Variants in IFT27 observed in about 807,000 individuals in gnomAD.
IFT27 encodes the protein intraflagellar transport 27.
In IFT27, 19 loss-of-function variants were observed where a neutral mutation model predicts 23.9. The ratio of observed to expected loss-of-function variants is 0.79; its 90% CI spans 0.55 to 1.16. The LOEUF (loss-of-function observed/expected upper bound fraction) is 1.16. Ranked by LOEUF, IFT27 falls within the 50% of genes most tolerant of loss-of-function variation. IFT27 has a pLI of 0.00. For missense variants in IFT27, 206 were observed against 228.7 expected (o/e 0.90, Z 0.64); for synonymous variants, 91 against 89.1 (o/e 1.02, Z -0.12).
intron 5 of IFT27, chr22:36,763,704 G>A (rs1314223366): frequency 1.5e-6 from 1 of 645,406 alleles, no homozygotes; most frequent in Non-Finnish European, 2.8e-6. Flanking sequence ...CCAGGTGCGT[G>A]TCCTCATTCC....
chr22:36,771,156 TC>T (rs1938378079), intron 1 of IFT27, among the ~76,000 whole-genome samples: 1 of 152,102 alleles, frequency 6.6e-6, no homozygotes, highest in Non-Finnish European at 1.5e-5. Flanking sequence ...ACACCTTGGC[TC>T]CCAGGGCCCC....
Position 36,771,086 on chromosome 22 carries a change from G to A in IFT27, c.35-3224C>T, listed in dbSNP as rs117690179. ...TGTGTGTTTCCCTACTCCCAGACCA[G>A]CTTATTGTTGCCCCCAGAGGAAACA... On this transcript the variant is annotated intron_variant, in intron 1 of 6. Transcript: ENST00000433985. Among the ~76,000 whole-genome samples the A allele has an allele frequency of 1.3e-3, 192 of 152,220 alleles. 1 individual carries two copies. In the East Asian group the frequency reaches 0.023, roughly 19 times the overall value.
Position 36,775,659 on chromosome 22 carries a change from A to G in IFT27, c.34+15T>C. 1.2e-6 allele frequency: 2 copies of G among 1,614,056 alleles called. No homozygotes were observed. Among genetic ancestry groups the G allele is most frequent in the Non-Finnish European group, 1.7e-6 (2 of 1,179,948 alleles). ...CCAGAGACCACCGTATTCAAGCGCA[A>G]GTTTTCAGACTCACCTGCCAGGATG... On this transcript the variant is annotated intron_variant, in intron 1 of 6. Transcript: ENST00000433985.
intron 1 of IFT27, among the ~76,000 whole-genome samples, chr22:36,774,295 G>C (rs1938449293): frequency 6.6e-6 from 1 of 152,224 alleles, no homozygotes; most frequent in Admixed American, 6.5e-5. Context: ...GTCTGGAAGA[G>C]GGGAATTTTT....
chr22:36,760,919 A>G (rs1338226842), intron 6 of IFT27: 1 of 167,118 alleles, frequency 6.0e-6, no homozygotes, highest in Non-Finnish European at 1.5e-5. Flanking sequence ...CAGGATGGTC[A>G]CTGCGGTGTT....
At chr22:36,775,577 A>G in intron 1 of IFT27, 97 bp downstream of exon 1, 1 of 1,328,218 alleles carries the variant, frequency 7.5e-7, no homozygotes, top group Admixed American at 1.7e-5. Context: ...AGAGAAAGGA[A>G]AAGGTAGGCA....
At chr22:36,764,621 C>G (rs1249118373) in intron 4 of IFT27, among the ~76,000 whole-genome samples, 2 of 152,238 alleles carry the variant, frequency 1.3e-5, no homozygotes, top group African/African-American at 4.8e-5. Flanking sequence ...CTTGCATCTT[C>G]TTAATAAGGG....
chr22:36,767,326 G>A lies in IFT27; in HGVS notation c.154C>T (p.Pro52Ser), dbSNP rs755044827. The change falls in exon 3 of 7, where the codon CCT becomes TCT. Residue 52 changes from proline to serine, a missense_variant. Pro to Ser is a moderately conservative substitution (Grantham distance 74, BLOSUM62 -1). Coordinates refer to ENST00000433985, the MANE Select transcript of IFT27 (RefSeq NM_001177701.3). ...CTCACCACACTGTCTCCCGTGTCAG[G>A]AACTGGCACTGTCTTCACCACCAAA... ...MDLVVKTVPV[P>S]DTGDSVELFI... The A allele has an allele frequency of 1.2e-6, 2 of 1,613,812 alleles. No homozygotes were observed. Among genetic ancestry groups the A allele is most frequent in the South Asian group, 2.2e-5 (2 of 91,058 alleles).
chr22:36,768,132 C>A, intron 1 of IFT27: 1 of 579,420 alleles, frequency 1.7e-6, no homozygotes, highest in Non-Finnish European at 3.4e-6. Flanking sequence ...TTACAGAGGG[C>A]TTTGGGGCCC....
intron 6 of IFT27, chr22:36,762,057 C>T (rs534171569): frequency 6.6e-6 from 1 of 152,126 alleles, no homozygotes; most frequent in Non-Finnish European, 1.5e-5. Context: ...ACTCGGGCCC[C>T]TGCTGGCTCT....
intron 1 of IFT27, among the ~76,000 whole-genome samples, chr22:36,770,319 G>A (rs1419053452): frequency 3.3e-5 from 5 of 152,066 alleles, no homozygotes; most frequent in South Asian, 2.1e-4. Flanking sequence ...TCCTGTCCCC[G>A]TGGCCTCAGT....
chr22:36,763,855 C>G (rs1938164669), intron 5 of IFT27, 64 bp downstream of exon 5: 3 of 1,182,436 alleles, frequency 2.5e-6, no homozygotes, highest in Non-Finnish European at 3.8e-6. Context: ...TCTGCAATGC[C>G]CTTGTGCTCT....
chr22:36,760,468 C>T (rs1446798557), intron 6 of IFT27: 2 of 152,238 alleles, frequency 1.3e-5, no homozygotes, highest in African/African-American at 2.4e-5. Context: ...CACTAATCAT[C>T]ATCTCGCTTA....
chr22:36,766,304 G>A, intron 3 of IFT27, 107 bp from the exon 4 acceptor site: 1 of 865,764 alleles, frequency 1.2e-6, no homozygotes, highest in Non-Finnish European at 1.9e-6. Context: ...GTGAAATACA[G>A]GCACCCACAT....
intron 1 of IFT27, chr22:36,768,333 G>A (rs574663424): frequency 3.1e-4 from 106 of 337,460 alleles, no homozygotes; most frequent in African/African-American, 2.2e-3. Context: ...GTGGGGCGTG[G>A]GGGGTGGAAG....
chr22:36,766,080 G>A, intron 4 of IFT27, 58 bp downstream of exon 4: 2 of 1,350,882 alleles, frequency 1.5e-6, no homozygotes, highest in African/African-American at 1.4e-5. Context: ...GCACTGTCAG[G>A]GGTAAACGTT....
chr22:36,771,119 C>T (rs553757938), intron 1 of IFT27, among the ~76,000 whole-genome samples: 1 of 150,756 alleles, frequency 6.6e-6, no homozygotes, highest in East Asian at 2.0e-4. Context: ...ACAGCGCCAG[C>T]GGGCAGTGCC....
Position 36,769,102 on chromosome 22 carries a change from T to C in IFT27, c.35-1240A>G, listed in dbSNP as rs145961350. Among the ~76,000 whole-genome samples, 3 of 152,366 alleles carry C rather than the reference T, an allele frequency of 2.0e-5. 1 individual carries two copies. Among genetic ancestry groups the C allele is most frequent in the Middle Eastern group, 6.8e-3 (2 of 294 alleles). On this transcript the variant is annotated intron_variant, in intron 1 of 6. Coordinates refer to ENST00000433985, the MANE Select transcript of IFT27 (RefSeq NM_001177701.3). ...TTGTGGCATTTCATTTTATGTGAAC[T>C]CCTCCAGGTTTGAGTGAGCTATTCA...
intron 1 of IFT27, chr22:36,772,278 A>C (rs1231197482): frequency 3.9e-5 from 6 of 155,284 alleles, no homozygotes; most frequent in Non-Finnish European, 7.1e-5. Flanking sequence ...TTAAGGGCAC[A>C]GACTCTGGAG....
Sources: gnomAD v4.1 joint callset for allele counts (sites outside exome capture counted in the v4.1 genomes callset) on GRCh38, gnomAD v4.1.1 for gene constraint, MANE v1.5 for transcripts, NCBI Gene and HGNC (gene_info 2026-07-23, HGNC 2026-07-21) for gene names.